Variants in CGNL1 observed in about 807,000 individuals in gnomAD.
CGNL1 encodes the protein cingulin like 1.
A neutral mutation model predicts 141.2 loss-of-function variants in CGNL1; 132 were observed. The observed-to-expected ratio is 0.93, with a 90% CI of 0.81 to 1.08. CGNL1 has a LOEUF of 1.08. Among genes scored for constraint, CGNL1 ranks in the 50% least tolerant of loss-of-function variants. The probability of loss-of-function intolerance (pLI) is 0.00; values close to 1 mark genes in which losing one functional copy is unlikely to be tolerated. For synonymous variants in CGNL1, 690 were observed against 622.1 expected (o/e 1.11, Z -1.63); for missense variants, 1,870 against 1,588.6 (o/e 1.18, Z -3.01).
chr15:57,446,962 C>G (rs1425851334), intron 4 of CGNL1, among the ~76,000 whole-genome samples: 4 of 152,030 alleles, frequency 2.6e-5, no homozygotes, highest in Admixed American at 6.6e-5. Context: ...GATCTGGTAG[C>G]TTTATTCTTC....
chr15:57,415,743 C>T (rs1230655842), intron 1 of CGNL1, among the ~76,000 whole-genome samples: 5 of 152,240 alleles, frequency 3.3e-5, no homozygotes, highest in African/African-American at 1.2e-4. Context: ...CAACGTAGAG[C>T]ATGTTCTTGG....
At chr15:57,455,229 T>C (rs1297698460) in intron 7 of CGNL1, among the ~76,000 whole-genome samples, 1 of 152,242 alleles carries the variant, frequency 6.6e-6, no homozygotes, top group Non-Finnish European at 1.5e-5. Flanking sequence ...TTTACATTTA[T>C]ACTTTTACTA....
At chr15:57,509,141 A>C (rs10775165) in intron 8 of CGNL1, among the ~76,000 whole-genome samples, 19,250 of 152,130 alleles carry the variant, frequency 0.13, 1,870 homozygotes, top group East Asian at 0.46. Flanking sequence ...ACGTCCACAG[A>C]CATGATGGTG....
intron 7 of CGNL1, among the ~76,000 whole-genome samples, chr15:57,458,324 T>G (rs1485781989): frequency 6.6e-6 from 1 of 152,076 alleles, no homozygotes; most frequent in Non-Finnish European, 1.5e-5. Flanking sequence ...AGCCCCGAGG[T>G]GATGGAGTGA....
chr15:57,528,271 A>G (rs1352111194), intron 12 of CGNL1, among the ~76,000 whole-genome samples: 1 of 152,020 alleles, frequency 6.6e-6, no homozygotes, highest in African/African-American at 2.4e-5. Context: ...AAAAAAGACA[A>G]AAAAAAACTA....
intron 8 of CGNL1, among the ~76,000 whole-genome samples, chr15:57,476,434 A>G (rs989959246): frequency 9.2e-5 from 14 of 152,218 alleles, no homozygotes; most frequent in African/African-American, 3.4e-4. Flanking sequence ...GACAGCTAAT[A>G]GTTTTGTTTG....
intron 8 of CGNL1, among the ~76,000 whole-genome samples, chr15:57,501,833 C>A (rs533448472): frequency 2.0e-5 from 3 of 152,086 alleles, no homozygotes; most frequent in African/African-American, 2.4e-5. Flanking sequence ...GCAGCAGTGC[C>A]CTGACTGCCA....
At chr15:57,409,037 TCACACACACACACA>T (rs59988268) in intron 1 of CGNL1, among the ~76,000 whole-genome samples, 4 of 141,734 alleles carry the variant, frequency 2.8e-5, no homozygotes, top group African/African-American at 1.1e-4. Context: ...TGAGACTCTG[TCACACACACACACA>T]CACACACACA....
At position 57,547,419 on chromosome 15, in the gene CGNL1, G is replaced by A. The variant is rs1160769280; in HGVS notation, c.3838G>A (p.Gly1280Arg). 6.2e-7 allele frequency: 1 copy of A among 1,614,178 alleles called. No homozygotes were observed. Among genetic ancestry groups the A allele is most frequent in the Non-Finnish European group, 8.5e-7 (1 of 1,179,996 alleles). Reference protein sequence around the residue: ...MDDDDDLSTDGGSLYEAPVSY... With the variant: ...MDDDDDLSTDRGSLYEAPVSY... Reference sequence around the variant, plus strand: ...TGACGACGATGACCTCAGCACGGATGGGGGAAGCCTCTATGAGGCGCCTGT... The same window carrying A: ...TGACGACGATGACCTCAGCACGGATAGGGGAAGCCTCTATGAGGCGCCTGT... The change falls in exon 19 of 19, where the codon GGG (glycine) becomes AGG (arginine). Residue 1280 changes from glycine (G) to arginine (R), a missense_variant. Physicochemically the swap from Gly to Arg is moderately radical, Grantham distance 125. Transcript: ENST00000281282.
At chr15:57,486,417 G>A (rs1478327427) in intron 8 of CGNL1, among the ~76,000 whole-genome samples, 1 of 151,922 alleles carries the variant, frequency 6.6e-6, no homozygotes, top group East Asian at 1.9e-4. Context: ...GAAACAGTTG[G>A]AAAGCCAGAC....
intron 8 of CGNL1, among the ~76,000 whole-genome samples, chr15:57,497,062 G>A (rs539153406): frequency 3.5e-4 from 53 of 152,280 alleles, no homozygotes; most frequent in African/African-American, 1.1e-3. Flanking sequence ...GGAGTCTGAC[G>A]CCCCCGAGGC....
rs774946602 is a variant in CGNL1, at chr15:57,439,502, C to A, written c.1503C>A (p.Thr501=). ...SKKEEEVKTA[T]ATLMLQNRAT... is the part of the protein sequence containing the mutation. ...AGGAGGAGGAGGTGAAAACAGCCAC[C>A]GCTACGCTGATGTTACAGAACCGGG... Residue 501 remains threonine (T), a synonymous_variant, in exon 2 of 19, where the codon ACC becomes ACA. Transcript: ENST00000281282. 1.9e-6 allele frequency: 3 copies of A among 1,614,192 alleles called. No homozygotes were observed. Among genetic ancestry groups the A allele is most frequent in the Non-Finnish European group, 2.5e-6 (3 of 1,180,028 alleles).
intron 14 of CGNL1, among the ~76,000 whole-genome samples, chr15:57,541,441 G>C (rs2032558430): frequency 6.6e-6 from 1 of 152,186 alleles, no homozygotes; most frequent in Non-Finnish European, 1.5e-5. Context: ...CATTCCCCTT[G>C]CACTTTGTGC....
chr15:57,520,917 A>G (rs1450037387), intron 10 of CGNL1, among the ~76,000 whole-genome samples: 9 of 152,176 alleles, frequency 5.9e-5, no homozygotes, highest in East Asian at 5.8e-4. Context: ...ATATGAGCCA[A>G]TTGGGACCTC....
chr15:57,413,738 C>A (rs1413228209), intron 1 of CGNL1, among the ~76,000 whole-genome samples: 2 of 152,218 alleles, frequency 1.3e-5, no homozygotes, highest in African/African-American at 4.8e-5. Flanking sequence ...AGATCAAATG[C>A]TTTTTGGATC....
At chr15:57,540,834 C>T (rs963581828) in intron 14 of CGNL1, among the ~76,000 whole-genome samples, 3 of 152,250 alleles carry the variant, frequency 2.0e-5, no homozygotes, top group African/African-American at 4.8e-5. Context: ...GTTTGAACAG[C>T]GAACAAACCC....
At chr15:57,424,357 A>T (rs961800048) in intron 1 of CGNL1, among the ~76,000 whole-genome samples, 5 of 152,046 alleles carry the variant, frequency 3.3e-5, no homozygotes, top group African/African-American at 1.2e-4. Flanking sequence ...CCTCGCTGTC[A>T]CCTACCCCAG....
At chr15:57,545,115 G>A (rs897965644) in intron 16 of CGNL1, among the ~76,000 whole-genome samples, 4 of 152,184 alleles carry the variant, frequency 2.6e-5, no homozygotes, top group Non-Finnish European at 5.9e-5. Context: ...TCTAATGGCA[G>A]CCCGAGGGCC....
chr15:57,440,771 C>G (rs1230896681), intron 3 of CGNL1, among the ~76,000 whole-genome samples: 2 of 151,928 alleles, frequency 1.3e-5, no homozygotes, highest in African/African-American at 2.4e-5. Flanking sequence ...TTCTACTCTT[C>G]AGGTTTGAAT....
Sources: allele counts gnomAD v4.1 joint callset (sites outside exome capture counted in the v4.1 genomes callset), GRCh38; gene constraint gnomAD v4.1.1; transcripts MANE v1.5; gene names NCBI Gene and HGNC (gene_info 2026-07-23, HGNC 2026-07-21).